The following XIRP2 variants were observed in gnomAD, a reference collection of about 807,000 sequenced individuals.
The protein encoded by XIRP2 is xin actin-binding repeat-containing protein 2.
In XIRP2, 236 loss-of-function variants were observed where a neutral mutation model predicts 277.0. The observed-to-expected ratio is 0.85, with a 90% CI of 0.77 to 0.95. The LOEUF (loss-of-function observed/expected upper bound fraction) is 0.95, where lower values mean the gene tolerates loss of function less well. XIRP2 is among the 40% of genes least tolerant of loss of function. XIRP2 has a pLI of 0.00. For synonymous variants in XIRP2, 1,490 were observed against 1,416.5 expected (o/e 1.05, Z -1.17); for missense variants, 4,640 against 4,157.5 (o/e 1.12, Z -3.19).
chr2:166,978,037 T>C (rs1686761786), intron 2 of XIRP2, among the ~76,000 whole-genome samples: 1 of 152,194 alleles, frequency 6.6e-6, no homozygotes, highest in Non-Finnish European at 1.5e-5. Context: ...TATGTTTGCA[T>C]GTGTGTGATT....
Position 167,250,293 on chromosome 2 carries a change from G to T in XIRP2, c.8901G>T (p.Glu2967Asp), listed in dbSNP as rs754417284. ...ILSRVKQFEA[E>D]PNKSGLKTFQ... Reference sequence around the variant, plus strand: ...CGAGAGTGAAACAGTTTGAAGCAGAGCCAAATAAAAGTGGCCTTAAAACAT... The same window carrying T: ...CGAGAGTGAAACAGTTTGAAGCAGATCCAAATAAAAGTGGCCTTAAAACAT... Residue 2967 changes from glutamate to aspartate, a missense_variant, in exon 9 of 11, where the codon GAG (glutamate) becomes GAT (aspartate). Physicochemically the swap from Glu to Asp is conservative, Grantham distance 45. Coordinates refer to ENST00000409195, the MANE Select transcript of XIRP2 (RefSeq NM_152381.6). The T allele has an allele frequency of 2.5e-6, 4 of 1,612,882 alleles. No homozygotes were observed. Among genetic ancestry groups the T allele is most frequent in the Non-Finnish European group, 3.4e-6 (4 of 1,179,572 alleles).
chr2:167,052,098 C>T (rs1452316946), intron 2 of XIRP2, among the ~76,000 whole-genome samples: 1 of 151,880 alleles, frequency 6.6e-6, no homozygotes, highest in African/African-American at 2.4e-5. Flanking sequence ...TAAGCAAGAC[C>T]CTATCCACAA....
intron 2 of XIRP2, among the ~76,000 whole-genome samples, chr2:167,008,992 T>A (rs1422478998): frequency 6.6e-6 from 1 of 151,480 alleles, no homozygotes; most frequent in Non-Finnish European, 1.5e-5. Context: ...ATAAATATTT[T>A]AAGAGATTAA....
intron 3 of XIRP2, among the ~76,000 whole-genome samples, chr2:167,162,668 G>A (rs1692405665): frequency 6.6e-6 from 1 of 152,106 alleles, no homozygotes; most frequent in South Asian, 2.1e-4. Context: ...TTAATATTCT[G>A]CTTTTCGAAT....
intron 3 of XIRP2, among the ~76,000 whole-genome samples, chr2:167,200,480 C>T (rs962978952): frequency 3.9e-5 from 6 of 152,144 alleles, no homozygotes; most frequent in South Asian, 2.1e-4. Context: ...TACAGTGTAA[C>T]GTGCTAGAGT....
At position 166,961,590 on chromosome 2, in the gene XIRP2, A is replaced by AC. The variant is rs1686298884; in HGVS notation, c.408+57700_408+57701insC. Among the ~76,000 whole-genome samples, 9 of 151,868 alleles carry AC rather than the reference A, an allele frequency of 5.9e-5. 2 individuals carry two copies. Among genetic ancestry groups the AC allele is most frequent in the African/African-American group, 2.2e-4 (9 of 41,504 alleles). On this transcript the variant is annotated intron_variant, in intron 2 of 10. Coordinates refer to ENST00000409195, the MANE Select transcript of XIRP2 (RefSeq NM_152381.6). Reference sequence around the variant, plus strand: ...ATAGTTATAACAATAATCTTGATCAAATATGTCTCCTTTTGCCTTATTTTG... The same window carrying AC: ...ATAGTTATAACAATAATCTTGATCAACATATGTCTCCTTTTGCCTTATTTTG...
chr2:167,016,156 C>T (rs1687823245), intron 2 of XIRP2, among the ~76,000 whole-genome samples: 1 of 151,796 alleles, frequency 6.6e-6, no homozygotes, highest in African/African-American at 2.4e-5. Flanking sequence ...CCTGCTCTTC[C>T]TCTTTTTTCT....
chr2:167,083,510 A>C (rs1211106615), intron 2 of XIRP2, among the ~76,000 whole-genome samples: 3 of 152,198 alleles, frequency 2.0e-5, no homozygotes, highest in African/African-American at 7.2e-5. Context: ...TGGGGATGGC[A>C]TTGAATCTGT....
intron 2 of XIRP2, among the ~76,000 whole-genome samples, chr2:167,121,056 C>T (rs1185401662): frequency 6.6e-6 from 1 of 152,110 alleles, no homozygotes; most frequent in African/African-American, 2.4e-5. Context: ...TGGAAGCCTA[C>T]AGAGATGAAA....
At chr2:166,914,768 G>A (rs1444029462) in intron 2 of XIRP2, among the ~76,000 whole-genome samples, 7 of 152,054 alleles carry the variant, frequency 4.6e-5, no homozygotes, top group African/African-American at 1.7e-4. Flanking sequence ...ATATGATTGT[G>A]GAGTTTTTCT....
At chr2:166,939,201 A>G (rs1685618400) in intron 2 of XIRP2, among the ~76,000 whole-genome samples, 1 of 152,066 alleles carries the variant, frequency 6.6e-6, no homozygotes. Flanking sequence ...GGTCTTTACA[A>G]TTTGGCATGT....
intron 3 of XIRP2, among the ~76,000 whole-genome samples, chr2:167,148,638 A>T (rs550777710): frequency 6.6e-6 from 1 of 152,116 alleles, no homozygotes; most frequent in African/African-American, 2.4e-5. Context: ...TCTTCAGTGG[A>T]AAGACAAGAT....
intron 2 of XIRP2, among the ~76,000 whole-genome samples, chr2:166,905,807 C>T (rs1217097581): frequency 1.3e-5 from 2 of 151,852 alleles, no homozygotes; most frequent in African/African-American, 2.4e-5. Context: ...GAGGAATTAA[C>T]TTGTTTTCTC....
chr2:167,012,986 G>T (rs1687724001), intron 2 of XIRP2, among the ~76,000 whole-genome samples: 1 of 150,676 alleles, frequency 6.6e-6, no homozygotes, highest in Admixed American at 6.6e-5. Flanking sequence ...CTTCCTTCTT[G>T]GTGGTAAAAT....
intron 3 of XIRP2, among the ~76,000 whole-genome samples, chr2:167,208,965 TAA>T (rs1693940301): frequency 6.6e-6 from 1 of 152,142 alleles, no homozygotes; most frequent in Non-Finnish European, 1.5e-5. Flanking sequence ...CAGGGAAAAA[TAA>T]AGAGCTTTTC....
intron 2 of XIRP2, among the ~76,000 whole-genome samples, chr2:167,077,819 C>T (rs1342920322): frequency 1.3e-5 from 2 of 152,182 alleles, no homozygotes; most frequent in Admixed American, 1.3e-4. Flanking sequence ...AGAGAAGAAA[C>T]ATAACCAGTT....
In XIRP2 at chr2:167,243,996, A is replaced by C; in HGVS notation, c.2604A>C (p.Ile868=). Residue 868 remains isoleucine, a synonymous_variant, in exon 9 of 11, where the codon ATA becomes ATC. Transcript: ENST00000409195. Reference sequence around the variant, plus strand: ...ATTCTCTACAACGTGAGGAGATAATAGGTGGTGATGTACAAACTACTAAGC... The same window carrying C: ...ATTCTCTACAACGTGAGGAGATAATCGGTGGTGATGTACAAACTACTAAGC... ...DADSLQREEI[I]GGDVQTTKHL... is the part of the protein sequence containing the mutation. 1 of 1,614,078 alleles carries C rather than the reference A, an allele frequency of 6.2e-7. No homozygotes were observed. Among genetic ancestry groups the C allele is most frequent in the Non-Finnish European group, 8.5e-7 (1 of 1,179,946 alleles).
chr2:167,010,502 G>A (rs529015066), intron 2 of XIRP2, among the ~76,000 whole-genome samples: 97 of 152,068 alleles, frequency 6.4e-4, no homozygotes, highest in African/African-American at 1.3e-3. Context: ...GTCAGGTAGC[G>A]TGATGCCTCC....
At position 167,244,668 on chromosome 2, in the gene XIRP2, A is replaced by G. The variant is rs769483466; in HGVS notation, c.3276A>G (p.Lys1092=). Residue 1092 remains lysine, a synonymous_variant, in exon 9 of 11, where the codon AAA becomes AAG. Coordinates refer to ENST00000409195, the MANE Select transcript of XIRP2 (RefSeq NM_152381.6). ...GAGATATTGTTAAAGGGGATGTCAA[A>G]ACCTGTAAATGGCTTTTTGAGACCC... ...QTRDIVKGDV[K]TCKWLFETQP... is the part of the protein sequence containing the mutation. 9.9e-6 allele frequency: 16 copies of G among 1,613,454 alleles called. No homozygotes were observed. Among genetic ancestry groups the G allele is most frequent in the Non-Finnish European group, 1.4e-5 (16 of 1,179,740 alleles).
Sources: allele counts gnomAD v4.1 joint callset (sites outside exome capture counted in the v4.1 genomes callset), GRCh38; gene constraint gnomAD v4.1.1; transcripts MANE v1.5; gene names NCBI Gene and HGNC (gene_info 2026-07-23, HGNC 2026-07-21).